Variants in P2RY8 observed in about 807,000 individuals in gnomAD.
The protein encoded by P2RY8 is S-geranylgeranyl-glutathione receptor P2RY8.
A neutral mutation model predicts 10.0 loss-of-function variants in P2RY8; 6 were observed. The observed-to-expected ratio is 0.60, with a 90% CI of 0.33 to 1.19. The LOEUF is 1.19. Ranked by LOEUF, P2RY8 falls within the 50% of genes most tolerant of loss-of-function variation. The pLI is 0.04. For synonymous variants in P2RY8, 276 were observed against 252.5 expected (o/e 1.09, Z -0.88); for missense variants, 456 against 542.0 (o/e 0.84, Z 1.58).
intron 1 of P2RY8, among the ~76,000 whole-genome samples, chrX:1,520,101 C>T (rs1258781638): frequency 7.9e-5 from 12 of 151,460 alleles, no homozygotes; most frequent in Non-Finnish European, 1.6e-4. Flanking sequence ...ACCTTGGTCC[C>T]TAATAATCTC....
chrX:1,537,088 C>A lies in P2RY8; in HGVS notation c.-192G>T, dbSNP rs566595531. 3 of 232,352 alleles carry A rather than the reference C, an allele frequency of 1.3e-5. No homozygotes were observed. Among genetic ancestry groups the A allele is most frequent in the African/African-American group, 2.2e-5 (1 of 45,284 alleles). The allele number at this position is 232,352 out of a possible 1,614,324, so 14.4% of individuals were successfully genotyped here. A position where few individuals can be genotyped will look rare whatever the true frequency, so the allele number is the denominator to read the frequency against. Reference sequence around the variant, plus strand: ...AAGTGCTTGAGAAGGTGTTCGTGGGCGGCAGACGGCTGCCCTTCCAGTTCC... The same window carrying A: ...AAGTGCTTGAGAAGGTGTTCGTGGGAGGCAGACGGCTGCCCTTCCAGTTCC... On this transcript the variant is annotated 5_prime_UTR_variant, in exon 1 of 2. Transcript: ENST00000381297.
chrX:1,477,019 T>A (rs1603456141), intron 1 of P2RY8, among the ~76,000 whole-genome samples: 2 of 151,850 alleles, frequency 1.3e-5, no homozygotes, highest in South Asian at 4.2e-4. Context: ...TGAAGCCCCG[T>A]CTCTACTCAA....
intron 1 of P2RY8, among the ~76,000 whole-genome samples, chrX:1,497,101 A>C (rs1336878722): frequency 1.3e-5 from 2 of 150,530 alleles, no homozygotes; most frequent in African/African-American, 4.9e-5. Flanking sequence ...GGGTGCCTGT[A>C]ATCCCAGCTA....
At chrX:1,472,268 T>A (rs1302459528) in intron 1 of P2RY8, among the ~76,000 whole-genome samples, 3 of 105,994 alleles carry the variant, frequency 2.8e-5, no homozygotes, top group Admixed American at 9.1e-5. Context: ...ACTGGCGTCC[T>A]TAGGAGAAAG....
chrX:1,496,644 G>A (rs28481767), intron 1 of P2RY8, among the ~76,000 whole-genome samples: 147,444 of 151,696 alleles, frequency 0.97, 71,811 homozygotes, highest in East Asian at 1. Flanking sequence ...TCATTTGTAG[G>A]TAACTAGGAC....
intron 1 of P2RY8, among the ~76,000 whole-genome samples, chrX:1,516,569 GA>G (rs1241254528): frequency 2.0e-5 from 3 of 151,704 alleles, no homozygotes; most frequent in East Asian, 1.9e-4. Flanking sequence ...ATGATCCTGT[GA>G]GGACACAGGG....
chrX:1,530,443 C>T (rs190077079), intron 1 of P2RY8, among the ~76,000 whole-genome samples: 1 of 151,304 alleles, frequency 6.6e-6, no homozygotes, highest in African/African-American at 2.4e-5. Flanking sequence ...ATCTATCTAT[C>T]TAATCTATTT....
chrX:1,476,274 G>A (rs192334655), intron 1 of P2RY8, among the ~76,000 whole-genome samples: 305 of 152,154 alleles, frequency 2.0e-3, no homozygotes, highest in African/African-American at 7.2e-3. Context: ...CCTTGATATC[G>A]ATTTAGAAAT....
chrX:1,502,457 T>C (rs777367890), intron 1 of P2RY8, among the ~76,000 whole-genome samples: 348 of 152,140 alleles, frequency 2.3e-3, no homozygotes, highest in African/African-American at 8.2e-3. Context: ...CTACTGACTC[T>C]CTGGGGACCC....
intron 1 of P2RY8, among the ~76,000 whole-genome samples, chrX:1,534,714 G>T (rs1242415764): frequency 6.6e-6 from 1 of 152,116 alleles, no homozygotes; most frequent in Non-Finnish European, 1.5e-5. Context: ...ACGAGAGGGG[G>T]CCATCTGCCC....
chrX:1,509,814 T>TATC (rs2092284760), intron 1 of P2RY8, among the ~76,000 whole-genome samples: 3 of 106,446 alleles, frequency 2.8e-5, no homozygotes, highest in South Asian at 5.9e-4. Context: ...TCTATCTATC[T>TATC]ATCTATCTAT....
rs778614449 is a variant in P2RY8, at chrX:1,490,475, TG to T, written c.-24-23894del. Among the ~76,000 whole-genome samples the T allele has an allele frequency of 3.0e-3, 432 of 144,864 alleles. 12 individuals carry two copies. The East Asian group carries it at 0.057, about 19-fold the overall frequency. ...GATACCCAGATATTCCCTGCAAATGTGGGGGGAATGAATGAATGACATCCAG... is the reference window on the plus strand; with the variant it reads ...GATACCCAGATATTCCCTGCAAATGTGGGGGAATGAATGAATGACATCCAG... On this transcript the variant is annotated intron_variant, in intron 1 of 1. Transcript: ENST00000381297.
intron 1 of P2RY8, among the ~76,000 whole-genome samples, chrX:1,522,021 C>T (rs1166186302): frequency 1.7e-5 from 2 of 120,362 alleles, no homozygotes; most frequent in Non-Finnish European, 3.2e-5. Context: ...GGTGCGATCT[C>T]GGCTCACCGC....
chrX:1,475,377 A>G lies in P2RY8; in HGVS notation c.-24-8795T>C, dbSNP rs369294912. ...AAATGCCGATTGTTTCCAGAAAATC[A>G]CCAGAAGCTGCAGCAAAGCTTGGAA... On this transcript the variant is annotated intron_variant, in intron 1 of 1. Transcript: ENST00000381297. Among the ~76,000 whole-genome samples, 6 of 152,202 alleles carry G rather than the reference A, an allele frequency of 3.9e-5. No individual in the cohort carries two copies. In the East Asian group the frequency reaches 5.8e-4, roughly 15 times the overall value.
intron 1 of P2RY8, among the ~76,000 whole-genome samples, chrX:1,497,475 CG>C (rs1163638353): frequency 1.3e-5 from 2 of 150,756 alleles, no homozygotes; most frequent in Non-Finnish European, 3.0e-5. Flanking sequence ...CTGGCCAAGA[CG>C]GTGAAACCCT....
Position 1,513,271 on chromosome X carries a change from T to G in P2RY8, c.-25+23650A>C, listed in dbSNP as rs759285580. On this transcript the variant is annotated intron_variant, in intron 1 of 1. Coordinates refer to ENST00000381297, the MANE Select transcript of P2RY8 (RefSeq NM_178129.5). ...CTTTTTTTTTTATCCAGTCTATCAT[T>G]GATGGGCATTTGGATTGGTCCCAAG... Among the ~76,000 whole-genome samples, 70 of 152,246 alleles carry G rather than the reference T, an allele frequency of 4.6e-4. 3 individuals are homozygous for G. The South Asian group carries it at 0.014, about 30-fold the overall frequency.
chrX:1,503,044 C>T (rs2092195123), intron 1 of P2RY8, among the ~76,000 whole-genome samples: 1 of 151,986 alleles, frequency 6.6e-6, no homozygotes, highest in Non-Finnish European at 1.5e-5. Flanking sequence ...AGATGAGATA[C>T]TCCTGGATTA....
At chrX:1,486,471 G>C (rs1346839266) in intron 1 of P2RY8, among the ~76,000 whole-genome samples, 1 of 152,164 alleles carries the variant, frequency 6.6e-6, no homozygotes, top group African/African-American at 2.4e-5. Flanking sequence ...GACACAGAAG[G>C]CCACATGGTG....
At chrX:1,525,193 G>A (rs1213333086) in intron 1 of P2RY8, among the ~76,000 whole-genome samples, 1 of 152,244 alleles carries the variant, frequency 6.6e-6, no homozygotes, top group Non-Finnish European at 1.5e-5. Context: ...AATTTGTTTG[G>A]AGAGTGTTTT....
Sources: gnomAD v4.1 joint callset for allele counts (sites outside exome capture counted in the v4.1 genomes callset) on GRCh38, gnomAD v4.1.1 for gene constraint, MANE v1.5 for transcripts, NCBI Gene and HGNC (gene_info 2026-07-23, HGNC 2026-07-21) for gene names.